Variants in CACNA2D3 observed in about 807,000 individuals in gnomAD.
CACNA2D3 encodes calcium voltage-gated channel auxiliary subunit alpha2delta 3.
Under a neutral mutation model 160.6 loss-of-function variants are expected in CACNA2D3, and 60 were observed. The observed-to-expected ratio is 0.37, with a 90% CI of 0.30 to 0.46. CACNA2D3 has a LOEUF of 0.46. Among genes scored for constraint, CACNA2D3 ranks in the 20% least tolerant of loss-of-function variants. The probability of loss-of-function intolerance (pLI) is 1.00; values close to 1 mark genes in which losing one functional copy is unlikely to be tolerated. For synonymous variants in CACNA2D3, 558 were observed against 492.9 expected, an observed-to-expected ratio of 1.13 and a Z score of -1.75; for missense variants, 1,205 against 1,365.0, an observed-to-expected ratio of 0.88 and a Z score of 1.85.
intron 27 of CACNA2D3, among the ~76,000 whole-genome samples, chr3:54,960,928 T>C (rs192446100): frequency 1.0e-3 from 154 of 152,336 alleles, no homozygotes; most frequent in Admixed American, 2.3e-3. Context: ...TCACATTTGA[T>C]GTAAAGAAGG....
At chr3:54,940,281 A>G (rs1206045438) in intron 27 of CACNA2D3, among the ~76,000 whole-genome samples, 2 of 152,208 alleles carry the variant, frequency 1.3e-5, no homozygotes, top group Non-Finnish European at 2.9e-5. Context: ...AGAAAGGAAG[A>G]TTTTTGAGTC....
chr3:54,693,607 G>A (rs1214891344), intron 11 of CACNA2D3, among the ~76,000 whole-genome samples: 1 of 152,168 alleles, frequency 6.6e-6, no homozygotes. Context: ...CCTTCAGGAG[G>A]TGTCCAGAAG....
At chr3:54,662,752 A>G (rs962038653) in intron 11 of CACNA2D3, among the ~76,000 whole-genome samples, 1 of 152,208 alleles carries the variant, frequency 6.6e-6, no homozygotes, top group African/African-American at 2.4e-5. Context: ...GTGTAAGTGT[A>G]CTTAGAAGAG....
intron 11 of CACNA2D3, among the ~76,000 whole-genome samples, chr3:54,751,581 G>A (rs537456600): frequency 6.6e-6 from 1 of 152,150 alleles, no homozygotes; most frequent in Non-Finnish European, 1.5e-5. Context: ...CTCTAGTGGA[G>A]CAGATCGACT....
chr3:54,472,779 A>G (rs1001222072), intron 4 of CACNA2D3, among the ~76,000 whole-genome samples: 1 of 152,228 alleles, frequency 6.6e-6, no homozygotes, highest in Non-Finnish European at 1.5e-5. Context: ...GTGAACTCCC[A>G]TTCACAATTG....
intron 17 of CACNA2D3, among the ~76,000 whole-genome samples, chr3:54,849,329 G>A (rs1447475286): frequency 3.3e-5 from 5 of 152,152 alleles, no homozygotes; most frequent in South Asian, 4.1e-4. Flanking sequence ...TGGCTCTGGC[G>A]TGCACAAGTT....
rs150694807 is a variant in CACNA2D3 at position 54,490,933 on chromosome 3, G to A, written c.382-12559G>A. ...ACTTCTCTTCCCTGTGCTGGATGCC[G>A]TGATAGGAGCTGGGCATACAACTGT... is the stretch of plus-strand genomic sequence containing the variant. On this transcript the variant is annotated intron_variant, in intron 4 of 37. Transcript: ENST00000474759. 5.1e-4 allele frequency among the ~76,000 whole-genome samples: 77 copies of A among 152,270 alleles called. 1 individual carries two copies. In the East Asian group the frequency reaches 0.011, roughly 23 times the overall value.
chr3:54,218,461 A>T (rs922239013), intron 2 of CACNA2D3, among the ~76,000 whole-genome samples: 3 of 152,244 alleles, frequency 2.0e-5, no homozygotes, highest in Non-Finnish European at 4.4e-5. Context: ...TTAAGTTTTT[A>T]AATCTGCAGG....
intron 3 of CACNA2D3, among the ~76,000 whole-genome samples, chr3:54,374,638 T>G (rs943620822): frequency 9.2e-5 from 14 of 152,312 alleles, no homozygotes; most frequent in Admixed American, 5.2e-4. Context: ...CTCTGGTTGT[T>G]GCTGGACACC....
intron 27 of CACNA2D3, among the ~76,000 whole-genome samples, chr3:54,919,656 C>T (rs564065873): frequency 3.9e-5 from 6 of 152,332 alleles, no homozygotes; most frequent in African/African-American, 1.4e-4. Context: ...AGCTAGCAGA[C>T]TGAAGTCTAG....
At chr3:54,483,641 A>G (rs1326977559) in intron 4 of CACNA2D3, among the ~76,000 whole-genome samples, 1 of 152,222 alleles carries the variant, frequency 6.6e-6, no homozygotes, top group Non-Finnish European at 1.5e-5. Context: ...AACAACAACC[A>G]CAAAAATAAA....
chr3:54,680,437 G>T (rs1700320717), intron 11 of CACNA2D3, among the ~76,000 whole-genome samples: 1 of 152,248 alleles, frequency 6.6e-6, no homozygotes, highest in Non-Finnish European at 1.5e-5. Context: ...CTTTCAGATA[G>T]TAAAAATGTG....
At position 54,542,988 on chromosome 3, in the gene CACNA2D3, C is replaced by T. The variant is rs148889857; in HGVS notation, c.545-19812C>T. Among the ~76,000 whole-genome samples, 222 of 152,302 alleles carry T rather than the reference C, an allele frequency of 1.5e-3. 7 individuals are homozygous for T. In the East Asian group the frequency reaches 0.037, roughly 25 times the overall value. On this transcript the variant is annotated intron_variant, in intron 5 of 37. Coordinates refer to ENST00000474759, the MANE Select transcript of CACNA2D3 (RefSeq NM_018398.3). ...TATTCGTTGGAATTACCTTGACAAG[C>T]GAACACCTCATGTGTCCACTTTTAT...
intron 5 of CACNA2D3, among the ~76,000 whole-genome samples, chr3:54,536,619 T>G (rs1025350747): frequency 6.6e-6 from 1 of 152,200 alleles, no homozygotes; most frequent in African/African-American, 2.4e-5. Context: ...TGCTGCTCTG[T>G]GAGCCAGCTC....
chr3:54,151,099 A>G (rs552804058), intron 2 of CACNA2D3, among the ~76,000 whole-genome samples: 7 of 150,846 alleles, frequency 4.6e-5, no homozygotes, highest in African/African-American at 1.7e-4. Context: ...GGATGCATTA[A>G]TGGGTGGATG....
chr3:54,673,683 G>A (rs201909037), intron 11 of CACNA2D3, among the ~76,000 whole-genome samples: 1 of 152,202 alleles, frequency 6.6e-6, no homozygotes, highest in East Asian at 1.9e-4. Context: ...AATATCAAAG[G>A]TAATATCTGG....
rs569806135 is a variant in CACNA2D3 at position 54,496,392 on chromosome 3, T to C, written c.382-7100T>C. Among the ~76,000 whole-genome samples, 14 of 152,312 alleles carry C rather than the reference T, an allele frequency of 9.2e-5. No homozygotes were observed. In the East Asian group the frequency reaches 2.3e-3, roughly 25 times the overall value. ...TGATTGGAGTTTTATTTTTGTACTT[T>C]CCTGATGACTAATGACATTGAACAC... On this transcript the variant is annotated intron_variant, in intron 4 of 37. Transcript: ENST00000474759.
chr3:54,750,059 T>C (rs768379771), intron 11 of CACNA2D3, among the ~76,000 whole-genome samples: 1 of 152,192 alleles, frequency 6.6e-6, no homozygotes, highest in Admixed American at 6.5e-5. Context: ...GATCTGAAGT[T>C]TGGCACAATT....
intron 2 of CACNA2D3, among the ~76,000 whole-genome samples, chr3:54,280,532 C>T (rs1171789529): frequency 6.8e-6 from 1 of 147,888 alleles, no homozygotes; most frequent in Non-Finnish European, 1.5e-5. Context: ...AGGGCCTGAA[C>T]ACTGTACTAA....
Sources: allele counts gnomAD v4.1 joint callset (sites outside exome capture counted in the v4.1 genomes callset), GRCh38; gene constraint gnomAD v4.1.1; transcripts MANE v1.5; gene names NCBI Gene and HGNC (gene_info 2026-07-23, HGNC 2026-07-21).